The following OTUD3 variants were observed in gnomAD, a reference collection of about 807,000 sequenced individuals.
OTUD3 encodes the protein OTU deubiquitinase 3, also known as OTU domain-containing protein 3.
In OTUD3, 24 loss-of-function variants were observed where a neutral mutation model predicts 46.2. The observed-to-expected ratio is 0.52, with a 90% CI of 0.38 to 0.73. The LOEUF is 0.73. OTUD3 is among the 30% of genes least tolerant of loss of function. The pLI, the probability that OTUD3 is intolerant of heterozygous loss-of-function variation, is 0.00. For synonymous variants in OTUD3, 189 were observed against 195.4 expected (o/e 0.97, Z 0.27); for missense variants, 455 against 523.3 (o/e 0.87, Z 1.27).
intron 1 of OTUD3, among the ~76,000 whole-genome samples, chr1:19,884,182 G>T (rs1420106279): frequency 6.6e-6 from 1 of 152,122 alleles, no homozygotes; most frequent in Non-Finnish European, 1.5e-5. Context: ...GGGACATTGG[G>T]GCTTTTCCTT....
In OTUD3 at chr1:19,882,519, C is replaced by T; in HGVS notation, c.6C>T (p.Ser2=). M[S]RKQAAKSRPG... is the part of the protein sequence containing the mutation. ...GGGGACTGCAGGCTAAGGCCATGTC[C>T]CGAAAGCAGGCGGCGAAGAGCCGGC... The change falls in exon 1 of 8, where the codon TCC becomes TCT. Residue 2 remains serine (S), a synonymous_variant. Coordinates refer to ENST00000375120, the MANE Select transcript of OTUD3 (RefSeq NM_015207.2). 7.4e-7 allele frequency: 1 copy of T among 1,347,992 alleles called. No individual in the cohort carries two copies. Among genetic ancestry groups the T allele is most frequent in the Non-Finnish European group, 9.5e-7 (1 of 1,058,072 alleles). The allele number at this position is 1,347,992 out of a possible 1,614,324, so 83.5% of individuals were successfully genotyped here. A position where few individuals can be genotyped will look rare whatever the true frequency, so the allele number is the denominator to read the frequency against.
chr1:19,905,303 A>C (rs963837743), intron 6 of OTUD3, among the ~76,000 whole-genome samples: 2 of 152,224 alleles, frequency 1.3e-5, no homozygotes, highest in Non-Finnish European at 2.9e-5. Flanking sequence ...TGGCCTTAGA[A>C]GACCAAAATG....
At chr1:19,883,272 C>T (rs1173971363) in intron 1 of OTUD3, among the ~76,000 whole-genome samples, 2 of 152,196 alleles carry the variant, frequency 1.3e-5, no homozygotes, top group Admixed American at 1.3e-4. Flanking sequence ...CTTCCATGGG[C>T]CTCAGTTTCT....
chr1:19,890,639 C>G, intron 2 of OTUD3, 106 bp downstream of exon 2: 1 of 989,342 alleles, frequency 1.0e-6, no homozygotes, highest in Admixed American at 2.0e-5. Context: ...ATATAAATCA[C>G]GACATTCATT....
Position 19,882,656 on chromosome 1 carries a change from G to A in OTUD3, c.143G>A (p.Gly48Asp). Reference protein sequence around the residue: ...RNRPESGGGGGCEEEFVSFAN... With the variant: ...RNRPESGGGGDCEEEFVSFAN... ...CGGCCGGAGTCTGGCGGCGGCGGCG[G>A]CTGCGAGGAGGAGTTCGTCAGCTTC... is the stretch of plus-strand genomic sequence containing the variant. The change falls in exon 1 of 8, where the codon GGC (glycine) becomes GAC (aspartate). Residue 48 changes from glycine to aspartate, a missense_variant. Gly to Asp is a moderately conservative substitution (Grantham distance 94, BLOSUM62 -1). Transcript: ENST00000375120. The A allele has an allele frequency of 6.8e-7, 1 of 1,460,264 alleles. No homozygotes were observed. The highest frequency in any genetic ancestry group is 9.0e-7 in the Non-Finnish European group (1 of 1,108,072). 90.5% of individuals were successfully genotyped at this position (1,460,264 alleles called of 1,614,324 possible).
chr1:19,907,480 A>C (rs1029204563), intron 7 of OTUD3, 90 bp from the exon 8 acceptor site: 5 of 1,269,096 alleles, frequency 3.9e-6, no homozygotes, highest in Non-Finnish European at 5.6e-6. Flanking sequence ...CTGAAAAGCA[A>C]TCTGTGCCCT....
In OTUD3 at chr1:19,907,808, T is replaced by C. The variant is rs2045683696; in HGVS notation, c.*62T>C. On this transcript the variant is annotated 3_prime_UTR_variant, in exon 8 of 8. Transcript: ENST00000375120. ...AAAAGGATTGCTGTGTGCTAGACTT[T>C]CCAGTGAGGCCGTCCTTTTATAAAA... is the stretch of plus-strand genomic sequence containing the variant. 18 of 1,489,804 alleles carry C rather than the reference T, an allele frequency of 1.2e-5. No individual in the cohort carries two copies. Among genetic ancestry groups the C allele is most frequent in the Non-Finnish European group, 1.6e-5 (17 of 1,085,990 alleles). The allele number at this position is 1,489,804 out of a possible 1,614,324, so 92.3% of individuals were successfully genotyped here. A position where few individuals can be genotyped will look rare whatever the true frequency, so the allele number is the denominator to read the frequency against.
Position 19,897,520 on chromosome 1 carries a change from GC to G in OTUD3, c.484-16del, listed in dbSNP as rs1475853021. On this transcript the variant is annotated intron_variant, in intron 3 of 7. Transcript: ENST00000375120. ...TAGTGTTCAGATCCTCACTGGCATG[GC>G]CCCTTCTTTTGTCTACAGATTCGTG... The G allele has an allele frequency of 6.2e-7, 1 of 1,613,094 alleles. No homozygotes were observed. The highest frequency in any genetic ancestry group is 1.1e-5 in the South Asian group (1 of 90,968).
rs1309472754 is a variant in OTUD3, at chr1:19,910,841, G to A, written c.*3095G>A. On this transcript the variant is annotated 3_prime_UTR_variant, in exon 8 of 8. Transcript: ENST00000375120. ...ATTGTCGGGGGTGGGGTGGGAGGAG[G>A]GCCACCTTCAGTCGGGGAGTTGCTC... is the stretch of plus-strand genomic sequence containing the variant. 6.6e-6 allele frequency: 1 copy of A among 152,330 alleles called. No individual in the cohort carries two copies. The highest frequency in any genetic ancestry group is 2.4e-5 in the African/African-American group (1 of 41,412). 9.4% of individuals were successfully genotyped at this position (152,330 alleles called of 1,614,324 possible).
At chr1:19,899,521 T>C (rs1406489023) in intron 4 of OTUD3, among the ~76,000 whole-genome samples, 1 of 152,268 alleles carries the variant, frequency 6.6e-6, no homozygotes, top group Admixed American at 6.5e-5. Context: ...ACCAGTCACT[T>C]ACTGATGGAC....
chr1:19,896,790 C>T (rs1007646290), intron 3 of OTUD3, among the ~76,000 whole-genome samples: 1 of 152,148 alleles, frequency 6.6e-6, no homozygotes, highest in Non-Finnish European at 1.5e-5. Flanking sequence ...TACGCCCAGA[C>T]CTTAGGGCTT....
intron 4 of OTUD3, among the ~76,000 whole-genome samples, chr1:19,901,203 C>T (rs1422046142): frequency 2.0e-5 from 3 of 152,056 alleles, no homozygotes; most frequent in Non-Finnish European, 4.4e-5. Context: ...AGCCACCGTG[C>T]CCGGCCCTAT....
chr1:19,897,592 A>G lies in OTUD3; in HGVS notation c.536A>G (p.Tyr179Cys), dbSNP rs200380749. The change falls in exon 4 of 8, where the codon TAT (tyrosine) becomes TGT (cysteine). Residue 179 changes from tyrosine to cysteine, a missense_variant. Transcript: ENST00000375120. ...AGGGAGTTACACATCGCATATCGGT[A>G]TGGAGAGCACTACGACAGTGTTCGG... The part of the protein sequence containing the change: ...SVRELHIAYR[Y>C]GEHYDSVRRI... 259 of 1,613,942 alleles carry G rather than the reference A, an allele frequency of 1.6e-4. 1 individual carries two copies. The highest frequency in any genetic ancestry group is 1.5e-4 in the Admixed American group (9 of 59,994).
At position 19,894,424 on chromosome 1, in the gene OTUD3, G is replaced by A. The variant is rs757436022; in HGVS notation, c.427G>A (p.Ala143Thr). The change falls in exon 3 of 8, where the codon GCA becomes ACA. Residue 143 changes from alanine (A) to threonine (T), a missense_variant. Ala to Thr is a moderately conservative substitution (Grantham distance 58). Coordinates refer to ENST00000375120, the MANE Select transcript of OTUD3 (RefSeq NM_015207.2). ...FAGNDAIVAF[A>T]RNHQLNVVIH... ...TGGCAATGATGCAATTGTAGCCTTT[G>A]CAAGAAATCATCAGTTGAATGTAGT... The A allele has an allele frequency of 1.9e-6, 3 of 1,611,494 alleles. No homozygotes were observed. The South Asian group carries it at 3.3e-5, about 18-fold the overall frequency.
chr1:19,900,365 T>C (rs2045570329), intron 4 of OTUD3, among the ~76,000 whole-genome samples: 1 of 152,076 alleles, frequency 6.6e-6, no homozygotes, highest in Non-Finnish European at 1.5e-5. Context: ...TAATTTTTTA[T>C]TTTTTGTAGA....
chr1:19,907,095 C>T (rs2045671070), intron 7 of OTUD3, among the ~76,000 whole-genome samples: 1 of 152,190 alleles, frequency 6.6e-6, no homozygotes, highest in Non-Finnish European at 1.5e-5. Flanking sequence ...CATCTCCCTC[C>T]CTGCCCTTCA....
intron 4 of OTUD3, among the ~76,000 whole-genome samples, chr1:19,902,061 T>G (rs2045597616): frequency 6.6e-6 from 1 of 152,224 alleles, no homozygotes; most frequent in Admixed American, 6.5e-5. Flanking sequence ...ATGATAAACC[T>G]AAATTTAACA....
At chr1:19,904,419 G>T in intron 5 of OTUD3, 21 bp downstream of exon 5, 1 of 1,601,902 alleles carries the variant, frequency 6.2e-7, no homozygotes. Flanking sequence ...CTGTCTTGCA[G>T]GAATGATTTA....
rs371043039 is a variant in OTUD3, at chr1:19,911,388, AT to A, written c.*3661del. 2.4e-3 allele frequency: 311 copies of A among 130,482 alleles called. No individual in the cohort carries two copies. Among genetic ancestry groups the A allele is most frequent in the African/African-American group, 6.0e-3 (205 of 33,906 alleles). The allele number at this position is 130,482 out of a possible 1,614,324, so 8.1% of individuals were successfully genotyped here. A position where few individuals can be genotyped will look rare whatever the true frequency, so the allele number is the denominator to read the frequency against. Reference sequence around the variant, plus strand: ...TTATGTTTTCCTGGCTCTAAAGTAAATTTTTTTTTTTTTTTTTTTGAGACAG... The same window carrying A: ...TTATGTTTTCCTGGCTCTAAAGTAAATTTTTTTTTTTTTTTTTTGAGACAG... On this transcript the variant is annotated 3_prime_UTR_variant, in exon 8 of 8. Transcript: ENST00000375120.
Sources: gnomAD v4.1 joint callset for allele counts (sites outside exome capture counted in the v4.1 genomes callset) on GRCh38, gnomAD v4.1.1 for gene constraint, MANE v1.5 for transcripts, NCBI Gene and HGNC (gene_info 2026-07-23, HGNC 2026-07-21) for gene names.